Variants in GSG1L observed in about 807,000 individuals in gnomAD.
GSG1L encodes the protein germ cell-specific gene 1-like protein.
Under a neutral mutation model 42.1 loss-of-function variants are expected in GSG1L, and 24 were observed. The ratio of observed to expected loss-of-function variants is 0.57; its 90% confidence interval spans 0.41 to 0.80. GSG1L has a LOEUF of 0.80. GSG1L is among the 30% of genes least tolerant of loss of function. The pLI, the probability that GSG1L is intolerant of heterozygous loss-of-function variation, is 0.00. For synonymous variants in GSG1L, 215 were observed against 203.5 expected (o/e 1.06, Z -0.48); for missense variants, 445 against 472.2 (o/e 0.94, Z 0.53).
intron 2 of GSG1L, among the ~76,000 whole-genome samples, chr16:27,924,333 G>A (rs199973090): frequency 6.7e-6 from 1 of 148,622 alleles, no homozygotes; most frequent in South Asian, 2.2e-4. Context: ...GTATGTGTGT[G>A]TACACACATT....
Position 27,791,303 on chromosome 16 carries a change from G to T in GSG1L, c.*67C>A, listed in dbSNP as rs2082748816. 5.7e-6 allele frequency: 6 copies of T among 1,056,922 alleles called. No individual in the cohort carries two copies. The highest frequency in any genetic ancestry group is 1.6e-5 in the African/African-American group (1 of 61,018). The allele number at this position is 1,056,922 out of a possible 1,614,324, so 65.5% of individuals were successfully genotyped here. On this transcript the variant is annotated 3_prime_UTR_variant, in exon 7 of 7. Transcript: ENST00000447459. ...GCCAGGGTTCTGGGGGCACCACTCT[G>T]GTGGTCTTGCAGCAGGGGCTGGTGC...
rs1225326594 is a variant in GSG1L at position 27,803,786 on chromosome 16, T to G, written c.898+3701A>C. 2.5e-3 allele frequency among the ~76,000 whole-genome samples: 208 copies of G among 82,278 alleles called. 1 individual carries two copies. Among genetic ancestry groups the G allele is most frequent in the African/African-American group, 0.01 (198 of 18,910 alleles). 54.0% of individuals were successfully genotyped at this position (82,278 alleles called of 152,430 possible). A position where few individuals can be genotyped will look rare whatever the true frequency, so the allele number is the denominator to read the frequency against. ...GCAGACATATATATATATATATATA[T>G]ATATATATAGATAGATAGATATAGA... On this transcript the variant is annotated intron_variant, in intron 6 of 6. Coordinates refer to ENST00000447459, the MANE Select transcript of GSG1L (RefSeq NM_001109763.2).
chr16:27,914,527 T>C (rs570475752), intron 2 of GSG1L, among the ~76,000 whole-genome samples: 1 of 142,816 alleles, frequency 7.0e-6, no homozygotes, highest in South Asian at 2.2e-4. Flanking sequence ...TCTTTTCTTT[T>C]CTATTTTTTT....
intron 1 of GSG1L, among the ~76,000 whole-genome samples, chr16:28,053,881 C>G (rs1014560436): frequency 6.6e-6 from 1 of 152,166 alleles, no homozygotes; most frequent in Non-Finnish European, 1.5e-5. Flanking sequence ...GCACGTGCCT[C>G]GATCTCCCTT....
intron 3 of GSG1L, among the ~76,000 whole-genome samples, chr16:27,864,169 T>C (rs2083688521): frequency 6.6e-6 from 1 of 152,232 alleles, no homozygotes. Context: ...TGAATCTCAT[T>C]GCCTTGATTT....
intron 4 of GSG1L, among the ~76,000 whole-genome samples, chr16:27,839,461 CAG>C (rs927211842): frequency 1.5e-4 from 23 of 152,194 alleles, no homozygotes; most frequent in African/African-American, 5.5e-4. Flanking sequence ...AAAGGCAAAA[CAG>C]AAGCAGAAAG....
chr16:27,855,756 G>T (rs1035847800), intron 3 of GSG1L, among the ~76,000 whole-genome samples: 4 of 148,666 alleles, frequency 2.7e-5, no homozygotes, highest in African/African-American at 9.9e-5. Context: ...CAACGGAACA[G>T]ACATGGCCCC....
intron 2 of GSG1L, among the ~76,000 whole-genome samples, chr16:27,920,203 G>A (rs1220595292): frequency 2.0e-5 from 3 of 150,148 alleles, no homozygotes; most frequent in African/African-American, 7.5e-5. Context: ...TGTTGTGCAC[G>A]ATCAATTAAC....
At chr16:27,905,319 C>CTT (rs539377057) in intron 2 of GSG1L, among the ~76,000 whole-genome samples, 193 of 132,594 alleles carry the variant, frequency 1.5e-3, no homozygotes, top group Middle Eastern at 4.0e-3. Flanking sequence ...ATGCCAGAAT[C>CTT]TTTTTTTTTT....
intron 3 of GSG1L, among the ~76,000 whole-genome samples, chr16:27,852,403 GCAGA>G (rs1260221581): frequency 2.0e-5 from 3 of 151,994 alleles, no homozygotes; most frequent in African/African-American, 7.2e-5. Flanking sequence ...GATGGGAGAG[GCAGA>G]CACACAGGCT....
At chr16:27,943,436 T>C (rs1022702212) in intron 2 of GSG1L, among the ~76,000 whole-genome samples, 1 of 151,732 alleles carries the variant, frequency 6.6e-6, no homozygotes, top group Non-Finnish European at 1.5e-5. Context: ...CAACATAATG[T>C]CAAGCAGAAG....
chr16:27,945,934 C>T (rs1043239883), intron 2 of GSG1L, among the ~76,000 whole-genome samples: 2 of 152,248 alleles, frequency 1.3e-5, no homozygotes, highest in South Asian at 2.1e-4. Flanking sequence ...GAGGGTAACT[C>T]GGGTCCCCTC....
At chr16:27,912,806 A>G (rs1567516113) in intron 2 of GSG1L, among the ~76,000 whole-genome samples, 2 of 152,196 alleles carry the variant, frequency 1.3e-5, no homozygotes, top group Non-Finnish European at 2.9e-5. Flanking sequence ...CAATGTTCAT[A>G]ATGGCACAGT....
intron 2 of GSG1L, among the ~76,000 whole-genome samples, chr16:27,893,733 C>T (rs2084157581): frequency 6.6e-6 from 1 of 152,038 alleles, no homozygotes; most frequent in East Asian, 1.9e-4. Context: ...ACATGCACCA[C>T]CATGCCCAGC....
At chr16:27,888,454 TTCTTTCTTTCTCTC>T (rs1304357610) in intron 2 of GSG1L, among the ~76,000 whole-genome samples, 3,866 of 40,790 alleles carry the variant, frequency 0.095, 324 homozygotes, top group Middle Eastern at 0.21. Context: ...CTTTCTTTCT[TTCTTTCTTTCTCTC>T]TCTCTCTCTC....
chr16:27,991,034 C>A (rs924401503), intron 1 of GSG1L, among the ~76,000 whole-genome samples: 7 of 152,140 alleles, frequency 4.6e-5, no homozygotes, highest in African/African-American at 1.7e-4. Flanking sequence ...ATAATCGGGC[C>A]AAGTACAGTA....
At chr16:27,897,481 G>A (rs1364508007) in intron 2 of GSG1L, among the ~76,000 whole-genome samples, 1 of 152,056 alleles carries the variant, frequency 6.6e-6, no homozygotes, top group African/African-American at 2.4e-5. Context: ...TAAATTTTTT[G>A]TAGAGATGAG....
intron 6 of GSG1L, among the ~76,000 whole-genome samples, chr16:27,803,798 TAGATAGATATAG>T (rs1567460469): frequency 3.8e-4 from 36 of 95,726 alleles, no homozygotes; most frequent in African/African-American, 1.1e-3. Flanking sequence ...TATATATAGA[TAGATAGATATAG>T]ATATAGATAT....
At chr16:27,829,049 G>A (rs904334888) in intron 4 of GSG1L, 93 bp from the exon 5 acceptor site, 9 of 1,250,884 alleles carry the variant, frequency 7.2e-6, no homozygotes, top group Admixed American at 4.3e-5. Context: ...ATCCCTGCAT[G>A]GCTGCCTTTT....
Sources: allele counts gnomAD v4.1 joint callset (sites outside exome capture counted in the v4.1 genomes callset), GRCh38; gene constraint gnomAD v4.1.1; transcripts MANE v1.5; gene names NCBI Gene and HGNC (gene_info 2026-07-23, HGNC 2026-07-21).